Variants in SDK1 observed in about 807,000 individuals in gnomAD.
The protein encoded by SDK1 is sidekick cell adhesion molecule 1.
A neutral mutation model predicts 245.5 loss-of-function variants in SDK1; 157 were observed. The observed-to-expected ratio is 0.64, with a 90% CI of 0.56 to 0.73. The LOEUF (loss-of-function observed/expected upper bound fraction) is 0.73. Ranked by LOEUF, SDK1 falls within the 30% of genes least tolerant of loss-of-function variation. SDK1 has a pLI of 0.00. For synonymous variants in SDK1, 1,647 were observed against 1,278.5 expected, an observed-to-expected ratio of 1.29 and a Z score of -6.15; for missense variants, 3,583 against 3,002.3, an observed-to-expected ratio of 1.19 and a Z score of -4.52.
intron 5 of SDK1, among the ~76,000 whole-genome samples, chr7:3,836,139 G>C (rs1383031337): frequency 1.3e-5 from 2 of 152,126 alleles, no homozygotes; most frequent in African/African-American, 4.8e-5. Flanking sequence ...GGCCCTTTGT[G>C]GGCAAACTGA....
chr7:3,742,697 C>G (rs1779510021), intron 4 of SDK1, among the ~76,000 whole-genome samples: 1 of 152,050 alleles, frequency 6.6e-6, no homozygotes, highest in South Asian at 2.1e-4. Context: ...CTTTTAACAC[C>G]AAATAAAATT....
intron 44 of SDK1, among the ~76,000 whole-genome samples, chr7:4,254,534 A>G (rs990127209): frequency 6.6e-6 from 1 of 151,682 alleles, no homozygotes; most frequent in African/African-American, 2.4e-5. Context: ...TTTTTTAAAC[A>G]TGGTCTCCTT....
chr7:3,391,306 C>T (rs1224359528), intron 1 of SDK1, among the ~76,000 whole-genome samples: 1 of 152,160 alleles, frequency 6.6e-6, no homozygotes. Context: ...TCTTTACCTC[C>T]ATCCTATCAA....
chr7:4,225,923 T>C (rs1251381463), intron 40 of SDK1, among the ~76,000 whole-genome samples: 1 of 150,372 alleles, frequency 6.7e-6, no homozygotes, highest in African/African-American at 2.4e-5. Flanking sequence ...TTTCGGATCA[T>C]GAAGGGAACC....
At chr7:4,092,761 A>G (rs571990716) in intron 22 of SDK1, among the ~76,000 whole-genome samples, 2 of 152,280 alleles carry the variant, frequency 1.3e-5, no homozygotes, top group South Asian at 2.1e-4. Context: ...AAGGAACAAT[A>G]GAACCCATCA....
chr7:3,613,084 T>C (rs1354318142), intron 1 of SDK1, among the ~76,000 whole-genome samples: 46 of 152,208 alleles, frequency 3.0e-4, no homozygotes, highest in Admixed American at 2.9e-3. Context: ...CAGTTCAACT[T>C]GCTTGATACC....
intron 5 of SDK1, among the ~76,000 whole-genome samples, chr7:3,846,069 A>T (rs751707315): frequency 5.9e-5 from 9 of 152,236 alleles, no homozygotes; most frequent in Admixed American, 1.3e-4. Context: ...TAACTTGCAC[A>T]TACCAGAAGG....
chr7:3,323,553 C>G (rs1350017367), intron 1 of SDK1, among the ~76,000 whole-genome samples: 1 of 152,198 alleles, frequency 6.6e-6, no homozygotes, highest in East Asian at 1.9e-4. Flanking sequence ...TGCTGGCAGT[C>G]AGCTGGGGCC....
intron 19 of SDK1, among the ~76,000 whole-genome samples, chr7:4,067,268 G>C (rs1779967076): frequency 6.6e-6 from 1 of 152,216 alleles, no homozygotes; most frequent in South Asian, 2.1e-4. Context: ...GGGGGCCGCA[G>C]GGCACAGAAG....
chr7:4,227,166 G>T (rs1785494309), intron 40 of SDK1: 1 of 305,306 alleles, frequency 3.3e-6, no homozygotes, highest in South Asian at 3.0e-5. Flanking sequence ...TTTCTCTGAA[G>T]GTTTGACATC....
At chr7:4,077,809 C>T (rs548832600) in intron 21 of SDK1, among the ~76,000 whole-genome samples, 38 of 152,316 alleles carry the variant, frequency 2.5e-4, no homozygotes, top group Non-Finnish European at 5.1e-4. Flanking sequence ...CCACCAGGTT[C>T]CTCTCATGAC....
chr7:3,668,816 T>C (rs1783611941), intron 4 of SDK1, among the ~76,000 whole-genome samples: 1 of 152,132 alleles, frequency 6.6e-6, no homozygotes, highest in Non-Finnish European at 1.5e-5. Flanking sequence ...AAATACTATA[T>C]TGCCTTTTAT....
chr7:3,483,307 C>G (rs1444154099), intron 1 of SDK1, among the ~76,000 whole-genome samples: 2 of 152,124 alleles, frequency 1.3e-5, no homozygotes, highest in Non-Finnish European at 2.9e-5. Context: ...TCATAAAGAT[C>G]TTGCCACCTT....
intron 4 of SDK1, among the ~76,000 whole-genome samples, chr7:3,781,678 T>G (rs1454735669): frequency 6.6e-6 from 1 of 151,802 alleles, no homozygotes; most frequent in East Asian, 1.9e-4. Context: ...GAATAAAATT[T>G]GGAAAACAGT....
intron 16 of SDK1, among the ~76,000 whole-genome samples, chr7:4,013,070 G>A (rs547268085): frequency 6.6e-6 from 1 of 152,268 alleles, no homozygotes; most frequent in Admixed American, 6.5e-5. Context: ...TTTAGATGTT[G>A]GAAATGAAAT....
chr7:3,449,007 A>G (rs748842832), intron 1 of SDK1, among the ~76,000 whole-genome samples: 3 of 152,196 alleles, frequency 2.0e-5, no homozygotes, highest in Non-Finnish European at 4.4e-5. Flanking sequence ...AGTTTGGGAT[A>G]TTTACTCATT....
chr7:3,895,650 T>C (rs577122015), intron 5 of SDK1, among the ~76,000 whole-genome samples: 180 of 84,440 alleles, frequency 2.1e-3, no homozygotes, highest in African/African-American at 0.011. Flanking sequence ...CTTCCTCTTC[T>C]TTTCAAGTTG....
At chr7:3,589,963 A>G (rs901627755) in intron 1 of SDK1, among the ~76,000 whole-genome samples, 1 of 152,238 alleles carries the variant, frequency 6.6e-6, no homozygotes, top group East Asian at 1.9e-4. Flanking sequence ...CACAGCCTGC[A>G]CTTGACCTGA....
chr7:3,720,598 C>G (rs554637317), intron 4 of SDK1, among the ~76,000 whole-genome samples: 19 of 152,248 alleles, frequency 1.2e-4, no homozygotes, highest in African/African-American at 4.3e-4. Context: ...CGTGAGAATG[C>G]AGAGAAACTG....
Sources: allele counts gnomAD v4.1 joint callset (sites outside exome capture counted in the v4.1 genomes callset), GRCh38; gene constraint gnomAD v4.1.1; transcripts MANE v1.5; gene names NCBI Gene and HGNC (gene_info 2026-07-23, HGNC 2026-07-21).